The following MIPEP variants were observed in gnomAD, a reference collection of about 807,000 sequenced individuals.
MIPEP encodes mitochondrial intermediate peptidase.
Under a neutral mutation model 90.3 loss-of-function variants are expected in MIPEP, and 79 were observed. The ratio of observed to expected loss-of-function variants is 0.87; its 90% CI spans 0.73 to 1.05. The LOEUF (loss-of-function observed/expected upper bound fraction) is 1.05, where lower values mean the gene tolerates loss of function less well. Among genes scored for constraint, MIPEP ranks in the 50% least tolerant of loss-of-function variants. MIPEP has a pLI of 0.00. For missense variants in MIPEP, 940 were observed against 905.6 expected (o/e 1.04, Z -0.49); for synonymous variants, 334 against 315.8 (o/e 1.06, Z -0.61).
At position 23,756,635 on chromosome 13, in the gene MIPEP, C is replaced by T. The variant is rs1032880380; in HGVS notation, c.1971-17G>A. Reference sequence around the variant, plus strand: ...CCGGCAGCCCTGGGGAAGAGAGGTTCTGTTACAGACTCCTGCTTGCACAGC... The same window carrying T: ...CCGGCAGCCCTGGGGAAGAGAGGTTTTGTTACAGACTCCTGCTTGCACAGC... On this transcript the variant is annotated splice_polypyrimidine_tract_variant and intron_variant, in intron 17 of 18. Coordinates refer to ENST00000382172, the MANE Select transcript of MIPEP (RefSeq NM_005932.4). 1 of 1,609,692 alleles carries T rather than the reference C, an allele frequency of 6.2e-7. No individual in the cohort carries two copies. Among genetic ancestry groups the T allele is most frequent in the East Asian group, 2.2e-5 (1 of 44,892 alleles).
At chr13:23,870,362 T>C (rs1244947905) in intron 5 of MIPEP, among the ~76,000 whole-genome samples, 167 bp from the exon 6 acceptor site, 3 of 150,532 alleles carry the variant, frequency 2.0e-5, no homozygotes, top group African/African-American at 7.5e-5. Context: ...TTATAAATAA[T>C]ATATTAATTT....
At chr13:23,860,966 G>A (rs1167495285) in intron 9 of MIPEP, among the ~76,000 whole-genome samples, 2 of 152,110 alleles carry the variant, frequency 1.3e-5, no homozygotes, top group African/African-American at 2.4e-5. Flanking sequence ...AGTGCCTGGG[G>A]TGCTTGTTGA....
chr13:23,769,392 T>C (rs886819531), intron 16 of MIPEP, among the ~76,000 whole-genome samples: 2 of 152,046 alleles, frequency 1.3e-5, no homozygotes, highest in Admixed American at 1.3e-4. Flanking sequence ...TCAGGGAAAA[T>C]CCATGAAAGG....
intron 16 of MIPEP, among the ~76,000 whole-genome samples, chr13:23,784,137 C>T (rs9578645): frequency 2.6e-5 from 4 of 152,262 alleles, no homozygotes; most frequent in Admixed American, 2.0e-4. Flanking sequence ...GAAAAAACTA[C>T]TTTAAAGTTC....
At chr13:23,850,684 GACAGA>G (rs1869761764) in intron 10 of MIPEP, among the ~76,000 whole-genome samples, 1 of 152,220 alleles carries the variant, frequency 6.6e-6, no homozygotes, top group Non-Finnish European at 1.5e-5. Flanking sequence ...GCCACTAGAT[GACAGA>G]ATTCTCGCCA....
At chr13:23,742,320 G>T (rs1424282653) in intron 18 of MIPEP, among the ~76,000 whole-genome samples, 17 of 146,492 alleles carry the variant, frequency 1.2e-4, no homozygotes, top group Non-Finnish European at 5.9e-5. Flanking sequence ...TTAGAGCAAG[G>T]GTTTAGTAAG....
chr13:23,825,645 A>C (rs1196615807), intron 14 of MIPEP, among the ~76,000 whole-genome samples: 1 of 152,244 alleles, frequency 6.6e-6, no homozygotes, highest in East Asian at 1.9e-4. Context: ...ATGTTATAAT[A>C]CTGACTTGAT....
chr13:23,829,428 A>C (rs986231153), intron 14 of MIPEP, among the ~76,000 whole-genome samples: 2 of 152,112 alleles, frequency 1.3e-5, no homozygotes, highest in African/African-American at 4.8e-5. Context: ...GTCTCAAAAA[A>C]AGAAAAAAAA....
Position 23,886,376 on chromosome 13 carries a change from A to G in MIPEP, c.320T>C (p.Ile107Thr), listed in dbSNP as rs772233176. The G allele has an allele frequency of 2.3e-5, 37 of 1,604,810 alleles. No homozygotes were observed. In the South Asian group the frequency reaches 3.4e-4, roughly 15 times the overall value. The change falls in exon 2 of 19, where the codon ATC becomes ACC. Residue 107 changes from isoleucine (I) to threonine (T), a missense_variant. Transcript: ENST00000382172. ...TAAGGAATCCGAGAGCTCATCGAAG[A>G]TCAGCACGGTCTGGGGCCCAGGTGG... ...STPPGPQTVL[I>T]FDELSDSLCR... is the part of the protein sequence containing the mutation.
Position 23,756,554 on chromosome 13 carries a change from T to C in MIPEP, c.2035A>G (p.Met679Val), listed in dbSNP as rs1454124899. The change falls in exon 18 of 19, where the codon ATG (methionine) becomes GTG (valine). Residue 679 changes from methionine to valine, a missense_variant. By Grantham distance (21) the Met-to-Val change is conservative (BLOSUM62 1). Coordinates refer to ENST00000382172, the MANE Select transcript of MIPEP (RefSeq NM_005932.4). ...TTTGGTTTTGTTTTACCTTCAACCA[T>C]GAGCATGGGCTCCCTGCCTCCACCG... is the stretch of plus-strand genomic sequence containing the variant. ...AHGGGREPML[M>V]VEGMLQKCPS... The C allele has an allele frequency of 6.2e-7, 1 of 1,614,104 alleles. No individual in the cohort carries two copies. Among genetic ancestry groups the C allele is most frequent in the Non-Finnish European group, 8.5e-7 (1 of 1,180,010 alleles).
intron 15 of MIPEP, 41 bp downstream of exon 15, chr13:23,809,809 T>C (rs2137408879): frequency 1.6e-6 from 2 of 1,240,738 alleles, no homozygotes; most frequent in East Asian, 2.3e-5. Context: ...TTATTTGGGA[T>C]AATGACTCCG....
chr13:23,841,428 G>A lies in MIPEP; in HGVS notation c.1167C>T (p.Gly389=). 1 of 1,614,070 alleles carries A rather than the reference G, an allele frequency of 6.2e-7. No individual in the cohort carries two copies. The highest frequency in any genetic ancestry group is 1.1e-5 in the South Asian group (1 of 91,070). Residue 389 remains glycine (G), a synonymous_variant, in exon 11 of 19, where the codon GGC becomes GGT. Coordinates refer to ENST00000382172, the MANE Select transcript of MIPEP (RefSeq NM_005932.4). ...PFFSLGACME[G]LNILLNRLLG... is the part of the protein sequence containing the mutation. Reference sequence around the variant, plus strand: ...ACAGTCTGTTAAGCAAAATATTCAGGCCTTCCATGCATGCTCCAAGAGAGA... The same window carrying A: ...ACAGTCTGTTAAGCAAAATATTCAGACCTTCCATGCATGCTCCAAGAGAGA...
chr13:23,811,057 G>C (rs913049442), intron 14 of MIPEP, among the ~76,000 whole-genome samples: 1 of 152,124 alleles, frequency 6.6e-6, no homozygotes, highest in Admixed American at 6.5e-5. Flanking sequence ...CACCAGGGGC[G>C]CTCATCTTGT....
At chr13:23,736,128 C>CAT in intron 18 of MIPEP, among the ~76,000 whole-genome samples, 2 of 152,136 alleles carry the variant, frequency 1.3e-5, no homozygotes, top group Non-Finnish European at 2.9e-5. Flanking sequence ...CTGTTAACTC[C>CAT]AACCAAGGTG....
chr13:23,803,541 C>T (rs1215440892), intron 16 of MIPEP, among the ~76,000 whole-genome samples: 1 of 152,104 alleles, frequency 6.6e-6, no homozygotes, highest in Admixed American at 6.5e-5. Context: ...CACTACAACA[C>T]CACTTTAAAA....
At chr13:23,811,156 G>A (rs1013943296) in intron 14 of MIPEP, among the ~76,000 whole-genome samples, 30 of 152,218 alleles carry the variant, frequency 2.0e-4, no homozygotes, top group African/African-American at 6.5e-4. Context: ...AAATGTTCAC[G>A]TTTCTTTAAA....
intron 18 of MIPEP, among the ~76,000 whole-genome samples, chr13:23,749,290 T>G (rs1408627768): frequency 6.6e-6 from 1 of 152,216 alleles, no homozygotes; most frequent in Non-Finnish European, 1.5e-5. Flanking sequence ...ATGTTTGTAT[T>G]GTGCAAATAA....
intron 17 of MIPEP, among the ~76,000 whole-genome samples, chr13:23,757,744 G>C (rs893790476): frequency 3.9e-5 from 6 of 152,156 alleles, no homozygotes; most frequent in Admixed American, 3.9e-4. Flanking sequence ...ATGCCTACCT[G>C]ACGGAGTTCC....
rs141554418 is a variant in MIPEP at position 23,785,153 on chromosome 13, G to A, written c.1848+20797C>T. 2.0e-5 allele frequency among the ~76,000 whole-genome samples: 3 copies of A among 152,274 alleles called. No individual in the cohort carries two copies. The East Asian group carries it at 5.8e-4, about 29-fold the overall frequency. ...CCCATTACTGGGTATATACCCAGAG[G>A]ATTATAAATCATGCTTCTATAAAGG... On this transcript the variant is annotated intron_variant, in intron 16 of 18. Coordinates refer to ENST00000382172, the MANE Select transcript of MIPEP (RefSeq NM_005932.4).
Sources: allele counts gnomAD v4.1 joint callset (sites outside exome capture counted in the v4.1 genomes callset), GRCh38; gene constraint gnomAD v4.1.1; transcripts MANE v1.5; gene names NCBI Gene and HGNC (gene_info 2026-07-23, HGNC 2026-07-21).